BCR: variants seen among roughly 807,000 people sequenced by gnomAD.
BCR encodes breakpoint cluster region protein.
A neutral mutation model predicts 138.6 loss-of-function variants in BCR; 58 were observed. The observed-to-expected ratio is 0.42, with a 90% CI of 0.34 to 0.52. The LOEUF (loss-of-function observed/expected upper bound fraction) is 0.52. BCR is among the 20% of genes least tolerant of loss of function. BCR has a pLI of 0.06. For missense variants in BCR, 1,599 were observed against 1,727.2 expected (o/e 0.93, Z 1.32); for synonymous variants, 786 against 730.1 (o/e 1.08, Z -1.23).
chr22:23,206,391 G>A (rs566725455), intron 1 of BCR, among the ~76,000 whole-genome samples: 14 of 152,162 alleles, frequency 9.2e-5, no homozygotes, highest in African/African-American at 1.4e-4. Flanking sequence ...TGGCTTACAC[G>A]GTGAAACCAT....
In BCR at chr22:23,283,988, G is replaced by T; in HGVS notation, c.2127G>T (p.Leu709=). The change falls in exon 9 of 23, where the codon CTG becomes CTT. Residue 709 remains leucine (L), a synonymous_variant. Coordinates refer to ENST00000305877, the MANE Select transcript of BCR (RefSeq NM_004327.4). ...MTVKKGEHRQ[L]LKDSFMVELV... The stretch of plus-strand genomic sequence containing the variant: ...CCCTGTGCCTGCAGCACCGGCAGCT[G>T]CTGAAGGACAGCTTCATGGTGGAGC... 2 of 1,598,014 alleles carry T rather than the reference G, an allele frequency of 1.3e-6. No homozygotes were observed. Among genetic ancestry groups the T allele is most frequent in the South Asian group, 2.3e-5 (2 of 88,496 alleles).
chr22:23,313,096 G>A, intron 20 of BCR, 75 bp downstream of exon 20: 1 of 1,514,678 alleles, frequency 6.6e-7, no homozygotes, highest in Non-Finnish European at 8.9e-7. Context: ...GCTGTGAAAA[G>A]TGAGGTGTGG....
At chr22:23,244,465 G>A (rs1280483815) in intron 1 of BCR, among the ~76,000 whole-genome samples, 8 of 152,136 alleles carry the variant, frequency 5.3e-5, no homozygotes, top group African/African-American at 1.2e-4. Flanking sequence ...TCCTGGCTCC[G>A]TGGTCATTTC....
chr22:23,201,544 G>A lies in BCR; in HGVS notation c.1279+19305G>A, dbSNP rs536626397. 7.5e-3 allele frequency among the ~76,000 whole-genome samples: 1,141 copies of A among 152,232 alleles called. 12 individuals are homozygous for A. Among genetic ancestry groups the A allele is most frequent in the African/African-American group, 0.025 (1,043 of 41,528 alleles). On this transcript the variant is annotated intron_variant, in intron 1 of 22. Transcript: ENST00000305877. The stretch of plus-strand genomic sequence containing the variant: ...GCGATCTTGGCTCACTGCAAGCTCC[G>A]CCTCCTGGGTTCATGCCATTCTCCT...
chr22:23,211,198 A>G (rs576528575), intron 1 of BCR, among the ~76,000 whole-genome samples: 107 of 151,866 alleles, frequency 7.0e-4, no homozygotes, highest in Non-Finnish European at 1.4e-3. Context: ...TTCTTTTTTT[A>G]TTTGTTTGTT....
chr22:23,244,702 T>C (rs1412005952), intron 1 of BCR, among the ~76,000 whole-genome samples: 1 of 152,184 alleles, frequency 6.6e-6, no homozygotes, highest in East Asian at 1.9e-4. Context: ...AGTAAGTACA[T>C]TTGTCTGGGG....
Position 23,182,160 on chromosome 22 carries a change from C to G in BCR, c.1200C>G (p.Ser400=). 1.2e-6 allele frequency: 2 copies of G among 1,607,092 alleles called. No individual in the cohort carries two copies. Among genetic ancestry groups the G allele is most frequent in the Non-Finnish European group, 1.7e-6 (2 of 1,178,962 alleles). The change falls in exon 1 of 23, where the codon TCC becomes TCG. Residue 400 remains serine (S), a synonymous_variant. Transcript: ENST00000305877. Reference sequence around the variant, plus strand: ...ACCGGCACTGCCCGGTTGTCGTGTCCGAGGCCACCATCGTGGGCGTCCGCA... The same window carrying G: ...ACCGGCACTGCCCGGTTGTCGTGTCGGAGGCCACCATCGTGGGCGTCCGCA... ...KRHRHCPVVV[S]EATIVGVRKT... is the part of the protein sequence containing the mutation.
intron 1 of BCR, among the ~76,000 whole-genome samples, chr22:23,186,588 C>G (rs1371916131): frequency 2.0e-5 from 3 of 152,224 alleles, no homozygotes; most frequent in African/African-American, 7.2e-5. Context: ...CATTCTCCAT[C>G]TGTGTCTCTG....
In BCR at chr22:23,181,912, C is replaced by T. The variant is rs1478648277; in HGVS notation, c.952C>T (p.Pro318Ser). The change falls in exon 1 of 23, where the codon CCC becomes TCC. Residue 318 changes from proline to serine, a missense_variant. By Grantham distance (74) the Pro-to-Ser change is moderately conservative. This residue lies in a region of BCR where 806 missense variants were observed against 635.0 expected (regional missense o/e 1.27). Transcript: ENST00000305877. ...TACCTGGCCCCGCAGGTCCTACTCC[C>T]CCCGGAGTTTTGAGGATTGCGGAGG... is the stretch of plus-strand genomic sequence containing the variant. ...RLTWPRRSYS[P>S]RSFEDCGGGY... 2 of 1,613,576 alleles carry T rather than the reference C, an allele frequency of 1.2e-6. No individual in the cohort carries two copies. Among genetic ancestry groups the T allele is most frequent in the South Asian group, 2.2e-5 (2 of 91,070 alleles).
At chr22:23,275,893 G>C (rs6003600) in intron 8 of BCR, among the ~76,000 whole-genome samples, 56,166 of 152,102 alleles carry the variant, frequency 0.37, 11,517 homozygotes, top group African/African-American at 0.54. Flanking sequence ...CCCTGCAACT[G>C]CAGCTGCCAT....
chr22:23,239,442 G>T (rs1411861756), intron 1 of BCR, among the ~76,000 whole-genome samples: 4 of 152,132 alleles, frequency 2.6e-5, no homozygotes, highest in Non-Finnish European at 4.4e-5. Flanking sequence ...GGCTGAAGGG[G>T]GCAAGGCCCT....
At chr22:23,189,514 T>C (rs1306028856) in intron 1 of BCR, among the ~76,000 whole-genome samples, 2 of 152,174 alleles carry the variant, frequency 1.3e-5, no homozygotes, top group Non-Finnish European at 2.9e-5. Flanking sequence ...CTTTCTTTTC[T>C]TGAGACGGAG....
intron 1 of BCR, among the ~76,000 whole-genome samples, chr22:23,235,887 G>C (rs530638387): frequency 6.6e-6 from 1 of 152,294 alleles, no homozygotes; most frequent in East Asian, 1.9e-4. Flanking sequence ...CCCTTCATGA[G>C]GGTTCCGTCC....
At position 23,181,039 on chromosome 22, in the gene BCR, T is replaced by C; in HGVS notation, c.79T>C (p.Ser27Pro). The C allele has an allele frequency of 6.6e-7, 1 of 1,520,074 alleles. No individual in the cohort carries two copies. The highest frequency in any genetic ancestry group is 8.9e-7 in the Non-Finnish European group (1 of 1,128,548). The allele number at this position is 1,520,074 out of a possible 1,614,324, so 94.2% of individuals were successfully genotyped here. A position where few individuals can be genotyped will look rare whatever the true frequency, so the allele number is the denominator to read the frequency against. The change falls in exon 1 of 23, where the codon TCA becomes CCA. Residue 27 changes from serine to proline, a missense_variant. This residue lies in a region of BCR where 806 missense variants were observed against 635.0 expected (regional missense o/e 1.27). Coordinates refer to ENST00000305877, the MANE Select transcript of BCR (RefSeq NM_004327.4). ...AGAGCCCCCGCGCATGGAGCTGCGC[T>C]CAGTGGGCGACATCGAGCAGGAGCT... is the stretch of plus-strand genomic sequence containing the variant. ...DSEPPRMELR[S>P]VGDIEQELER...
intron 4 of BCR, chr22:23,263,618 A>G (rs2073399180): frequency 6.6e-7 from 1 of 1,513,340 alleles, no homozygotes; most frequent in South Asian, 1.1e-5. Flanking sequence ...GACGTTTGCC[A>G]CTTTGTGCTG....
At chr22:23,219,112 A>G (rs953627509) in intron 1 of BCR, among the ~76,000 whole-genome samples, 2 of 152,228 alleles carry the variant, frequency 1.3e-5, no homozygotes, top group African/African-American at 4.8e-5. Flanking sequence ...CCAGGCAGTG[A>G]AAACAGGAAA....
intron 2 of BCR, among the ~76,000 whole-genome samples, chr22:23,257,692 G>A (rs938842237): frequency 6.6e-6 from 1 of 152,210 alleles, no homozygotes; most frequent in East Asian, 1.9e-4. Context: ...GGCAGAGAGG[G>A]GGTGTCATAG....
At chr22:23,245,836 C>T (rs951873531) in intron 1 of BCR, among the ~76,000 whole-genome samples, 50 of 151,968 alleles carry the variant, frequency 3.3e-4, no homozygotes, top group Middle Eastern at 3.2e-3. Context: ...GTAAAATTCA[C>T]ATAACATAAA....
intron 1 of BCR, among the ~76,000 whole-genome samples, chr22:23,188,207 A>C (rs975532223): frequency 6.6e-6 from 1 of 152,232 alleles, no homozygotes; most frequent in Non-Finnish European, 1.5e-5. Context: ...AGGCATCAGC[A>C]GCACAGAAGC....
Sources: gnomAD v4.1 joint callset for allele counts (sites outside exome capture counted in the v4.1 genomes callset) on GRCh38, gnomAD v4.1.1 for gene constraint, gnomAD v4.1.1 regional missense constraint, MANE v1.5 for transcripts, NCBI Gene and HGNC (gene_info 2026-07-23, HGNC 2026-07-21) for gene names.